Variants in CHST11 observed in about 807,000 individuals in gnomAD.
CHST11 encodes the protein C4S-1.
A neutral mutation model predicts 30.4 loss-of-function variants in CHST11; 9 were observed. The observed-to-expected ratio is 0.30, with a 90% confidence interval of 0.18 to 0.52. The LOEUF (loss-of-function observed/expected upper bound fraction) is 0.52. Among genes scored for constraint, CHST11 ranks in the 20% least tolerant of loss-of-function variants. CHST11 has a pLI of 0.97. For synonymous variants in CHST11, 152 were observed against 187.8 expected (o/e 0.81, Z 1.56); for missense variants, 348 against 460.6 (o/e 0.76, Z 2.24).
chr12:104,702,895 T>C (rs1477589393), intron 2 of CHST11, among the ~76,000 whole-genome samples: 1 of 152,196 alleles, frequency 6.6e-6, no homozygotes, highest in African/African-American at 2.4e-5. Context: ...CCTGGCGCCC[T>C]TTGCAGACTT....
chr12:104,572,048 A>C (rs1449908685), intron 1 of CHST11, among the ~76,000 whole-genome samples: 2 of 152,172 alleles, frequency 1.3e-5, no homozygotes, highest in Non-Finnish European at 2.9e-5. Flanking sequence ...CCAGCCTTGC[A>C]TCCCAGGGAT....
chr12:104,647,259 T>G (rs1592815137), intron 2 of CHST11, among the ~76,000 whole-genome samples: 1 of 152,330 alleles, frequency 6.6e-6, no homozygotes, highest in South Asian at 2.1e-4. Flanking sequence ...GGCAGCAGCA[T>G]GCAAGGTAGA....
intron 2 of CHST11, among the ~76,000 whole-genome samples, chr12:104,747,769 T>C (rs945636188): frequency 3.9e-5 from 6 of 152,162 alleles, no homozygotes; most frequent in African/African-American, 1.4e-4. Flanking sequence ...TGTACCTGTT[T>C]CTCTGGGTCT....
chr12:104,618,224 C>CTTTTTT (rs1375360622), intron 2 of CHST11, among the ~76,000 whole-genome samples: 1 of 73,396 alleles, frequency 1.4e-5, no homozygotes, highest in African/African-American at 5.1e-5. Flanking sequence ...CTTTTCTTTT[C>CTTTTTT]TTTTTTTTTT....
intron 2 of CHST11, among the ~76,000 whole-genome samples, chr12:104,636,847 C>T (rs949934053): frequency 1.3e-5 from 2 of 151,740 alleles, no homozygotes; most frequent in Non-Finnish European, 2.9e-5. Flanking sequence ...ACTCCTACTA[C>T]TCCTATTTTT....
At chr12:104,605,574 G>A (rs1317303119) in intron 2 of CHST11, among the ~76,000 whole-genome samples, 2 of 152,116 alleles carry the variant, frequency 1.3e-5, no homozygotes, top group Admixed American at 6.6e-5. Flanking sequence ...GCCAGACTCC[G>A]TCTCAAAAAA....
chr12:104,683,144 G>A (rs2039814334), intron 2 of CHST11, among the ~76,000 whole-genome samples: 1 of 152,208 alleles, frequency 6.6e-6, no homozygotes, highest in Admixed American at 6.5e-5. Context: ...TGATTGGGCA[G>A]GGGGAGAATG....
intron 1 of CHST11, among the ~76,000 whole-genome samples, chr12:104,578,897 C>T (rs1439412425): frequency 6.6e-6 from 1 of 152,198 alleles, no homozygotes; most frequent in Non-Finnish European, 1.5e-5. Flanking sequence ...GCTCTTGTGA[C>T]ATGCAGTTGT....
chr12:104,654,273 C>T (rs2039521313), intron 2 of CHST11, among the ~76,000 whole-genome samples: 1 of 152,130 alleles, frequency 6.6e-6, no homozygotes, highest in African/African-American at 2.4e-5. Flanking sequence ...AAGCTGGTCC[C>T]AGTACTTGGT....
At chr12:104,481,564 T>C (rs2037623016) in intron 1 of CHST11, among the ~76,000 whole-genome samples, 1 of 152,072 alleles carries the variant, frequency 6.6e-6, no homozygotes, top group Admixed American at 6.6e-5. Flanking sequence ...CTTCCTTCTG[T>C]AGGGAGCGGT....
intron 2 of CHST11, among the ~76,000 whole-genome samples, chr12:104,608,165 T>C (rs757288524): frequency 6.6e-6 from 1 of 152,056 alleles, no homozygotes; most frequent in East Asian, 1.9e-4. Flanking sequence ...AAGCCCTGAG[T>C]TGAAGGGTCT....
At chr12:104,518,093 C>T (rs1238110586) in intron 1 of CHST11, among the ~76,000 whole-genome samples, 2 of 151,998 alleles carry the variant, frequency 1.3e-5, no homozygotes, top group Non-Finnish European at 2.9e-5. Context: ...CAAGACCAGC[C>T]TGGGCAACAT....
At chr12:104,694,322 G>A (rs2039924778) in intron 2 of CHST11, among the ~76,000 whole-genome samples, 1 of 152,200 alleles carries the variant, frequency 6.6e-6, no homozygotes, top group Non-Finnish European at 1.5e-5. Flanking sequence ...CCTGTGGAAT[G>A]TGGGTAATAG....
At chr12:104,464,019 A>G (rs934813985) in intron 1 of CHST11, among the ~76,000 whole-genome samples, 14 of 150,994 alleles carry the variant, frequency 9.3e-5, no homozygotes, top group Non-Finnish European at 2.1e-4. Context: ...GCAAGGAATA[A>G]GGGTGGAAGC....
Position 104,575,840 on chromosome 12 carries a change from G to A in CHST11, c.119-26066G>A, listed in dbSNP as rs142114950. ...CGGCAGTGCTCAGAAATTGCTTATC[G>A]GGGTATTCCTTGGTCTCTGCCTGGG... is the stretch of plus-strand genomic sequence containing the variant. On this transcript the variant is annotated intron_variant, in intron 1 of 2. Transcript: ENST00000303694. Among the ~76,000 whole-genome samples the A allele has an allele frequency of 3.2e-3, 481 of 152,132 alleles. 2 individuals carry two copies. Among genetic ancestry groups the A allele is most frequent in the African/African-American group, 0.011 (453 of 41,538 alleles).
chr12:104,661,579 C>T (rs966389795), intron 2 of CHST11, among the ~76,000 whole-genome samples: 2 of 152,080 alleles, frequency 1.3e-5, no homozygotes, highest in East Asian at 1.9e-4. Context: ...GTGGCACCAT[C>T]GCTGCACATT....
intron 1 of CHST11, among the ~76,000 whole-genome samples, chr12:104,569,644 G>C (rs187946558): frequency 6.6e-6 from 1 of 152,288 alleles, no homozygotes; most frequent in Admixed American, 6.5e-5. Flanking sequence ...GAGATTCCAA[G>C]CTAGGAATTT....
At chr12:104,527,649 C>T (rs976288625) in intron 1 of CHST11, among the ~76,000 whole-genome samples, 2 of 152,190 alleles carry the variant, frequency 1.3e-5, no homozygotes, top group African/African-American at 4.8e-5. Flanking sequence ...TTAAGACTTA[C>T]ACTTTATTGT....
At position 104,509,605 on chromosome 12, in the gene CHST11, G is replaced by A. The variant is rs142092041; in HGVS notation, c.118+52076G>A. ...GATAGAGGAATTTCATCTTACTCTC[G>A]TGATATTCTTGTTCTAAAACCAAAA... On this transcript the variant is annotated intron_variant, in intron 1 of 2. Coordinates refer to ENST00000303694, the MANE Select transcript of CHST11 (RefSeq NM_018413.6). 3.0e-3 allele frequency among the ~76,000 whole-genome samples: 450 copies of A among 152,182 alleles called. 3 individuals carry two copies. Among genetic ancestry groups the A allele is most frequent in the African/African-American group, 0.01 (431 of 41,496 alleles).
Sources: allele counts gnomAD v4.1 joint callset (sites outside exome capture counted in the v4.1 genomes callset), GRCh38; gene constraint gnomAD v4.1.1; transcripts MANE v1.5; gene names NCBI Gene and HGNC (gene_info 2026-07-23, HGNC 2026-07-21).